Variants in POLR2C observed in about 807,000 individuals in gnomAD.
The protein encoded by POLR2C is DNA-directed RNA polymerase II subunit RPB3.
Under a neutral mutation model 41.7 loss-of-function variants are expected in POLR2C, and 36 were observed. That is an observed-to-expected ratio of 0.86 (90% confidence interval 0.66 to 1.14). The LOEUF is 1.14. Ranked by LOEUF, POLR2C falls within the 50% of genes most tolerant of loss-of-function variation. The pLI, the probability that POLR2C is intolerant of heterozygous loss-of-function variation, is 0.00. For missense variants in POLR2C, 260 were observed against 350.4 expected (o/e 0.74, Z 2.06); for synonymous variants, 133 against 137.8 (o/e 0.96, Z 0.25).
chr16:57,470,374 T>C lies in POLR2C; in HGVS notation c.683+20T>C. ...AGAAAGGTAAGAGCCTGGTTGGACA[T>C]GGGAAGGTGAAGTGTGGAAGAAGGG... On this transcript the variant is annotated intron_variant, in intron 8 of 8. Coordinates refer to ENST00000219252, the MANE Select transcript of POLR2C (RefSeq NM_032940.3). 6.3e-7 allele frequency: 1 copy of C among 1,575,930 alleles called. No individual in the cohort carries two copies. The highest frequency in any genetic ancestry group is 8.7e-7 in the Non-Finnish European group (1 of 1,156,034).
rs770336099 is a variant in POLR2C, at chr16:57,462,801, C to G, written c.77C>G (p.Thr26Ser). The change falls in exon 1 of 9, where the codon ACC becomes AGC. Residue 26 changes from threonine to serine, a missense_variant. Transcript: ENST00000219252. ...DENVKFIIEN[T>S]DLAVANSIRR... ...AATGTCAAGTTCATCATCGAGAACA[C>G]CGACCTGGCGTAAGGCTACCGAGGG... 2.6e-5 allele frequency: 41 copies of G among 1,607,498 alleles called. No homozygotes were observed. In the East Asian group the frequency reaches 6.5e-4, roughly 25 times the overall value.
rs1221660798 is a variant in POLR2C, at chr16:57,471,471, G to A, written c.*352G>A. ...TCTAAACCCTTTCTGTCCAAAATGA[G>A]TCATTTTCAGTTGTACCTTAGATGT... On this transcript the variant is annotated 3_prime_UTR_variant, in exon 9 of 9. Coordinates refer to ENST00000219252, the MANE Select transcript of POLR2C (RefSeq NM_032940.3). The A allele has an allele frequency of 5.2e-6, 1 of 190,500 alleles. No homozygotes were observed. The highest frequency in any genetic ancestry group is 2.3e-5 in the African/African-American group (1 of 43,016). The allele number at this position is 190,500 out of a possible 1,614,324, so 11.8% of individuals were successfully genotyped here. A position where few individuals can be genotyped will look rare whatever the true frequency, so the allele number is the denominator to read the frequency against.
chr16:57,466,999 C>T (rs376324579), intron 4 of POLR2C, among the ~76,000 whole-genome samples: 14 of 152,214 alleles, frequency 9.2e-5, no homozygotes, highest in African/African-American at 2.6e-4. Context: ...TTTGGGAGGC[C>T]GAGGCGGGTT....
chr16:57,463,086 A>G lies in POLR2C; in HGVS notation c.136+8A>G, dbSNP rs1264440327. On this transcript the variant is annotated splice_region_variant and intron_variant, in intron 2 of 8. Transcript: ENST00000219252. ...CTGAGGTTCCCATAATAGGTAAGCGACTCCCCTTCCTCGTTCCCGCGCCCA... is the reference window on the plus strand; with the variant it reads ...CTGAGGTTCCCATAATAGGTAAGCGGCTCCCCTTCCTCGTTCCCGCGCCCA... 1.9e-6 allele frequency: 3 copies of G among 1,606,488 alleles called. No individual in the cohort carries two copies. The highest frequency in any genetic ancestry group is 1.7e-6 in the Non-Finnish European group (2 of 1,174,888).
In POLR2C at chr16:57,471,265, G is replaced by T; in HGVS notation, c.*146G>T. On this transcript the variant is annotated 3_prime_UTR_variant, in exon 9 of 9. Transcript: ENST00000219252. ...GGACATCAGTACCAACTAGAAGTGGGTCATAGATAGATTACCAGGGATGCA... is the reference window on the plus strand; with the variant it reads ...GGACATCAGTACCAACTAGAAGTGGTTCATAGATAGATTACCAGGGATGCA... The T allele has an allele frequency of 1.5e-6, 1 of 660,646 alleles. No individual in the cohort carries two copies. The highest frequency in any genetic ancestry group is 2.6e-6 in the Non-Finnish European group (1 of 380,488). The allele number at this position is 660,646 out of a possible 1,614,324, so 40.9% of individuals were successfully genotyped here.
rs749571586 is a variant in POLR2C, at chr16:57,469,424, C to A, written c.387+131C>A. On this transcript the variant is annotated intron_variant, in intron 5 of 8. Coordinates refer to ENST00000219252, the MANE Select transcript of POLR2C (RefSeq NM_032940.3). This position sits in a 1 kb window ranked among gnomAD's most constrained non-coding sequence, Gnocchi z 5.8. Reference sequence around the variant, plus strand: ...TGTTACCCTCTGCCTTAATCTGATCCCTAGAAGTGCTAATTCTGGATTCCT... The same window carrying A: ...TGTTACCCTCTGCCTTAATCTGATCACTAGAAGTGCTAATTCTGGATTCCT... The A allele has an allele frequency of 2.0e-6, 2 of 1,000,240 alleles. No homozygotes were observed. The highest frequency in any genetic ancestry group is 1.6e-6 in the Non-Finnish European group (1 of 643,702). 62.0% of individuals were successfully genotyped at this position (1,000,240 alleles called of 1,614,324 possible).
intron 2 of POLR2C, chr16:57,465,655 T>G (rs1190142599): frequency 6.4e-6 from 2 of 314,064 alleles, no homozygotes; most frequent in Non-Finnish European, 1.2e-5. Context: ...TTTAAGTGCT[T>G]CTCATGCAAA....
At position 57,469,431 on chromosome 16, in the gene POLR2C, G is replaced by A; in HGVS notation, c.387+138G>A. The A allele has an allele frequency of 1.0e-6, 1 of 967,740 alleles. No homozygotes were observed. Among genetic ancestry groups the A allele is most frequent in the Non-Finnish European group, 1.6e-6 (1 of 616,448 alleles). 59.9% of individuals were successfully genotyped at this position (967,740 alleles called of 1,614,324 possible). A position where few individuals can be genotyped will look rare whatever the true frequency, so the allele number is the denominator to read the frequency against. On this transcript the variant is annotated intron_variant, in intron 5 of 8. Transcript: ENST00000219252. This position sits in a 1 kb window ranked among gnomAD's most constrained non-coding sequence, Gnocchi z 5.8. ...CTCTGCCTTAATCTGATCCCTAGAA[G>A]TGCTAATTCTGGATTCCTCTTGGGC...
chr16:57,470,883 CCA>C, intron 8 of POLR2C, 90 bp from the exon 9 acceptor site: 1 of 1,297,148 alleles, frequency 7.7e-7, no homozygotes, highest in Non-Finnish European at 1.1e-6. Flanking sequence ...GGGAACAGAG[CCA>C]AGACCCGGAA....
intron 2 of POLR2C, chr16:57,463,834 T>A: frequency 3.1e-6 from 1 of 317,858 alleles, no homozygotes; most frequent in Non-Finnish European, 6.2e-6. Context: ...TCCCAGCTAC[T>A]GGGGAGGCTG....
rs1262613996 is a variant in POLR2C, at chr16:57,463,084, C to T, written c.136+6C>T. 13 of 1,606,944 alleles carry T rather than the reference C, an allele frequency of 8.1e-6. No individual in the cohort carries two copies. Among genetic ancestry groups the T allele is most frequent in the South Asian group, 1.1e-5 (1 of 90,958 alleles). ...CGCTGAGGTTCCCATAATAGGTAAGCGACTCCCCTTCCTCGTTCCCGCGCC... is the reference window on the plus strand; with the variant it reads ...CGCTGAGGTTCCCATAATAGGTAAGTGACTCCCCTTCCTCGTTCCCGCGCC... On this transcript the variant is annotated splice_donor_region_variant and intron_variant, in intron 2 of 8. Transcript: ENST00000219252.
chr16:57,462,978 A>T, intron 1 of POLR2C, 51 bp from the exon 2 acceptor site: 1 of 1,552,694 alleles, frequency 6.4e-7, no homozygotes, highest in Non-Finnish European at 8.9e-7. Flanking sequence ...GCGCGGGCCC[A>T]GCCTGTCGAG....
intron 2 of POLR2C, among the ~76,000 whole-genome samples, chr16:57,464,471 G>T (rs2030655222): frequency 6.6e-6 from 1 of 152,180 alleles, no homozygotes; most frequent in Non-Finnish European, 1.5e-5. Flanking sequence ...CTCTGCTCCA[G>T]GTGCTTAATG....
In POLR2C at chr16:57,471,941, T is replaced by G. The variant is rs546697777; in HGVS notation, c.*822T>G. The G allele has an allele frequency of 1.3e-5, 2 of 152,760 alleles. No homozygotes were observed. Among genetic ancestry groups the G allele is most frequent in the South Asian group, 4.1e-4 (2 of 4,824 alleles). 9.5% of individuals were successfully genotyped at this position (152,760 alleles called of 1,614,324 possible). On this transcript the variant is annotated 3_prime_UTR_variant, in exon 9 of 9. Transcript: ENST00000219252. ...ATCCAGTACAGAAAGGAAAGGATATTTATTGATTAACAGAAGTTGTCTTTT... is the reference window on the plus strand; with the variant it reads ...ATCCAGTACAGAAAGGAAAGGATATGTATTGATTAACAGAAGTTGTCTTTT...
Position 57,463,063 on chromosome 16 carries a change from G to T in POLR2C, c.121G>T (p.Glu41Ter). Reference protein sequence around the residue: ...ANSIRRVFIAEVPIIAIDWVQ... With the variant: ...ANSIRRVFIA The stretch of plus-strand genomic sequence containing the variant: ...TTCGATTCGGAGGGTCTTCATCGCT[G>T]AGGTTCCCATAATAGGTAAGCGACT... The change falls in exon 2 of 9, where the codon GAG (glutamate) becomes TAG (stop). Residue 41 changes from glutamate to a stop codon, truncating the protein, a stop_gained. Transcript: ENST00000219252. LOFTEE classifies it high-confidence loss of function. 1.2e-6 allele frequency: 2 copies of T among 1,613,574 alleles called. No homozygotes were observed. Among genetic ancestry groups the T allele is most frequent in the Non-Finnish European group, 1.7e-6 (2 of 1,179,430 alleles).
chr16:57,469,167 C>T lies in POLR2C; in HGVS notation c.261C>T (p.Asp87=). 6.2e-7 allele frequency: 1 copy of T among 1,613,974 alleles called. No individual in the cohort carries two copies. Residue 87 remains aspartate, a splice_region_variant and synonymous_variant, in exon 5 of 9, where the codon GAC becomes GAT. Coordinates refer to ENST00000219252, the MANE Select transcript of POLR2C (RefSeq NM_032940.3). This position sits in a 1 kb window ranked among gnomAD's most constrained non-coding sequence, Gnocchi z 5.8. ...TCCTGCTTCCCTTCCTGCCTTAGGA[C>T]TGCACATGTGAGGAGTTCTGCCCCG... ...DIVDKLQYSR[D]CTCEEFCPEC...
chr16:57,467,822 A>G (rs1189853749), intron 4 of POLR2C, among the ~76,000 whole-genome samples: 1 of 152,076 alleles, frequency 6.6e-6, no homozygotes, highest in African/African-American at 2.4e-5. Context: ...TTCCCCAAAT[A>G]TCCTTTATTG....
intron 2 of POLR2C, 143 bp downstream of exon 2, chr16:57,463,221 A>G: frequency 4.0e-6 from 3 of 751,216 alleles, no homozygotes; most frequent in South Asian, 3.0e-5. Context: ...AGACTTGACC[A>G]TACCCTGTGC....
chr16:57,469,617 A>T lies in POLR2C; in HGVS notation c.388-93A>T. ...TCGTCAGGTGTTCGTTCCCTGGTTG[A>T]CAGATTGCAGTCTAGAGGTGCTGGG... On this transcript the variant is annotated intron_variant, in intron 5 of 8. Coordinates refer to ENST00000219252, the MANE Select transcript of POLR2C (RefSeq NM_032940.3). The surrounding 1 kb of genome is among the most constrained non-coding windows in gnomAD (Gnocchi z 5.8). 1 of 1,086,022 alleles carries T rather than the reference A, an allele frequency of 9.2e-7. No individual in the cohort carries two copies. The allele number at this position is 1,086,022 out of a possible 1,614,324, so 67.3% of individuals were successfully genotyped here.
Sources: gnomAD v4.1 joint callset for allele counts (sites outside exome capture counted in the v4.1 genomes callset) on GRCh38, gnomAD v4.1.1 for gene constraint, Gnocchi (gnomAD v3.1) non-coding constraint, MANE v1.5 for transcripts, NCBI Gene and HGNC (gene_info 2026-07-23, HGNC 2026-07-21) for gene names.